Variants in NCK1 observed in about 807,000 individuals in gnomAD.
NCK1 encodes the protein NCK adaptor protein 1.
NCK1 carries 19 observed loss-of-function variants against 36.6 expected under a neutral mutation model. The ratio of observed to expected loss-of-function variants is 0.52; its 90% CI spans 0.36 to 0.76. The LOEUF (loss-of-function observed/expected upper bound fraction) is 0.76, where lower values mean the gene tolerates loss of function less well. NCK1 is among the 30% of genes least tolerant of loss of function. The probability of loss-of-function intolerance (pLI) is 0.00; values close to 1 mark genes in which losing one functional copy is unlikely to be tolerated. For synonymous variants in NCK1, 165 were observed against 156.0 expected (o/e 1.06, Z -0.43); for missense variants, 358 against 445.6 (o/e 0.80, Z 1.77).
intron 1 of NCK1, among the ~76,000 whole-genome samples, chr3:136,894,724 A>G (rs1178259938): frequency 6.6e-6 from 1 of 152,180 alleles, no homozygotes; most frequent in East Asian, 1.9e-4. Context: ...TGGAATGCAA[A>G]GGTTCCAATT....
At chr3:136,879,060 T>C (rs955383596) in intron 1 of NCK1, among the ~76,000 whole-genome samples, 1 of 151,744 alleles carries the variant, frequency 6.6e-6, no homozygotes. Flanking sequence ...TCACCAGACA[T>C]GTGAAGAAAG....
chr3:136,931,763 A>T (rs976547216), intron 2 of NCK1, among the ~76,000 whole-genome samples: 5 of 152,158 alleles, frequency 3.3e-5, no homozygotes, highest in African/African-American at 1.2e-4. Flanking sequence ...AATACAGTGG[A>T]TTTCATATCT....
chr3:136,928,131 T>G lies in NCK1; in HGVS notation c.130T>G (p.Ser44Ala), dbSNP rs1940293652. ...DSKSWWRVRN[S>A]MNKTGFVPSN... ...TAAGTCCTGGTGGCGAGTTCGAAAT[T>G]CCATGAATAAAACAGGTTTTGTGCC... The change falls in exon 2 of 4, where the codon TCC (serine) becomes GCC (alanine). Residue 44 changes from serine to alanine, a missense_variant. Coordinates refer to ENST00000481752, the MANE Select transcript of NCK1 (RefSeq NM_001291999.2). 1.2e-6 allele frequency: 2 copies of G among 1,614,012 alleles called. No individual in the cohort carries two copies. Among genetic ancestry groups the G allele is most frequent in the African/African-American group, 2.7e-5 (2 of 74,922 alleles).
chr3:136,864,345 T>C (rs965125656), intron 1 of NCK1, among the ~76,000 whole-genome samples: 2 of 144,600 alleles, frequency 1.4e-5, no homozygotes, highest in African/African-American at 5.1e-5. Flanking sequence ...ACAAAAATTA[T>C]CCGGGCGTGG....
At chr3:136,905,380 A>T (rs1939656795) in intron 1 of NCK1, among the ~76,000 whole-genome samples, 1 of 150,632 alleles carries the variant, frequency 6.6e-6, no homozygotes, top group African/African-American at 2.4e-5. Flanking sequence ...TCATATCCTG[A>T]ATTGTTTTTC....
chr3:136,867,948 G>C (rs112821333), intron 1 of NCK1, among the ~76,000 whole-genome samples: 8 of 150,970 alleles, frequency 5.3e-5, no homozygotes, highest in Admixed American at 1.3e-4. Flanking sequence ...ACAGAGTTTC[G>C]CAGTTTTTGC....
At chr3:136,867,108 CTTTCTTTCTTTG>C (rs1284359154) in intron 1 of NCK1, among the ~76,000 whole-genome samples, 1,069 of 30,874 alleles carry the variant, frequency 0.035, 90 homozygotes, top group Admixed American at 0.066. Context: ...TTCTTTCTTT[CTTTCTTTCTTTG>C]TTTCTTTCTT....
At chr3:136,872,204 C>T (rs1156630560) in intron 1 of NCK1, among the ~76,000 whole-genome samples, 2 of 152,132 alleles carry the variant, frequency 1.3e-5, no homozygotes, top group Non-Finnish European at 2.9e-5. Flanking sequence ...GCCCAAAATG[C>T]TGATTGCGAT....
At chr3:136,927,951 C>T (rs775456124) in intron 1 of NCK1, 33 bp from the exon 2 acceptor site, 1 of 1,435,348 alleles carries the variant, frequency 7.0e-7, no homozygotes, top group South Asian at 1.2e-5. Context: ...ACTACCTCAA[C>T]CTTACATAAA....
At chr3:136,872,820 A>T (rs531995394) in intron 1 of NCK1, among the ~76,000 whole-genome samples, 178 of 152,340 alleles carry the variant, frequency 1.2e-3, no homozygotes, top group African/African-American at 3.7e-3. Flanking sequence ...GCAAGCCCCA[A>T]GCCTTGGTGT....
At chr3:136,871,300 T>C (rs1371602575) in intron 1 of NCK1, among the ~76,000 whole-genome samples, 1 of 151,918 alleles carries the variant, frequency 6.6e-6, no homozygotes, top group Non-Finnish European at 1.5e-5. Context: ...CTTGCAAGGC[T>C]GGCGGGAGGA....
chr3:136,887,876 T>C (rs1435909439), intron 1 of NCK1, among the ~76,000 whole-genome samples: 1 of 152,228 alleles, frequency 6.6e-6, no homozygotes, highest in African/African-American at 2.4e-5. Context: ...ATTCAAACTG[T>C]AATGTTTCGG....
chr3:136,876,574 GT>G lies in NCK1; in HGVS notation c.-19+14231del, dbSNP rs879808335. ...GTATATATAAATCTAAAGGTTTTTT[GT>G]TTTTTTTTTAAACCAAAAAACTTTG... On this transcript the variant is annotated intron_variant, in intron 1 of 3. Coordinates refer to ENST00000481752, the MANE Select transcript of NCK1 (RefSeq NM_001291999.2). Among the ~76,000 whole-genome samples, 51 of 146,920 alleles carry G rather than the reference GT, an allele frequency of 3.5e-4. 1 individual carries two copies. The highest frequency in any genetic ancestry group is 6.5e-4 in the South Asian group (3 of 4,600).
chr3:136,862,390 C>A (rs147540017), intron 1 of NCK1, 37 bp downstream of exon 1: 1 of 152,604 alleles, frequency 6.6e-6, no homozygotes, highest in Non-Finnish European at 1.5e-5. Context: ...CACACACACA[C>A]CCCCCTTCAG....
At chr3:136,943,970 G>C (rs573020085) in intron 2 of NCK1, among the ~76,000 whole-genome samples, 19 of 152,202 alleles carry the variant, frequency 1.2e-4, no homozygotes, top group African/African-American at 4.6e-4. Context: ...TGATTTGACA[G>C]TAAGGAGAGA....
At chr3:136,867,770 A>G (rs1938492612) in intron 1 of NCK1, among the ~76,000 whole-genome samples, 1 of 152,162 alleles carries the variant, frequency 6.6e-6, no homozygotes, top group Non-Finnish European at 1.5e-5. Flanking sequence ...TGATCTTCTG[A>G]CGCAAGTTCT....
rs1374577225 is a variant in NCK1, at chr3:136,908,701, T to C, written c.-18-19283T>C. On this transcript the variant is annotated intron_variant, in intron 1 of 3. Transcript: ENST00000481752. Reference sequence around the variant, plus strand: ...TGACAATATATATTTTTTACTGTGGTTGCCATGTCCCTTACTCAAAATTGG... The same window carrying C: ...TGACAATATATATTTTTTACTGTGGCTGCCATGTCCCTTACTCAAAATTGG... 2.6e-5 allele frequency among the ~76,000 whole-genome samples: 4 copies of C among 152,242 alleles called. No homozygotes were observed. In the East Asian group the frequency reaches 7.7e-4, roughly 29 times the overall value.
intron 2 of NCK1, among the ~76,000 whole-genome samples, chr3:136,934,674 T>C (rs1940483239): frequency 6.6e-6 from 1 of 152,168 alleles, no homozygotes; most frequent in Admixed American, 6.5e-5. Flanking sequence ...ACCCTTCCCC[T>C]TCAAGGGGGA....
chr3:136,906,864 A>G (rs903250146), intron 1 of NCK1, among the ~76,000 whole-genome samples: 3 of 152,130 alleles, frequency 2.0e-5, no homozygotes, highest in African/African-American at 7.2e-5. Context: ...GTGGTGGTCT[A>G]TGCTAGGTGA....
Sources: allele counts gnomAD v4.1 joint callset (sites outside exome capture counted in the v4.1 genomes callset), GRCh38; gene constraint gnomAD v4.1.1; transcripts MANE v1.5; gene names NCBI Gene and HGNC (gene_info 2026-07-23, HGNC 2026-07-21).